Variants in MANSC1 observed in about 807,000 individuals in gnomAD.
MANSC1 encodes the protein MANSC domain-containing protein 1.
In MANSC1, 13 loss-of-function variants were observed where a neutral mutation model predicts 14.1. The ratio of observed to expected loss-of-function variants is 0.92; its 90% CI spans 0.60 to 1.46. The LOEUF (loss-of-function observed/expected upper bound fraction) is 1.46. MANSC1 is among the 40% of genes most tolerant of loss of function. The pLI, the probability that MANSC1 is intolerant of heterozygous loss-of-function variation, is 0.00. For missense variants in MANSC1, 486 were observed against 511.4 expected, an observed-to-expected ratio of 0.95 and a Z score of 0.48; for synonymous variants, 227 against 200.7, an observed-to-expected ratio of 1.13 and a Z score of -1.11.
chr12:12,332,253 T>C (rs2135988636), intron 3 of MANSC1, among the ~76,000 whole-genome samples: 2 of 152,280 alleles, frequency 1.3e-5, no homozygotes, highest in Middle Eastern at 3.4e-3. Context: ...TCTTTTCCTT[T>C]TTCTTCCTCA....
intron 1 of MANSC1, 121 bp from the exon 2 acceptor site, chr12:12,343,535 C>T: frequency 1.4e-5 from 7 of 514,386 alleles, no homozygotes; most frequent in Middle Eastern, 5.4e-4. Context: ...AGAAAAGATA[C>T]ACGTATTTTT....
intron 1 of MANSC1, among the ~76,000 whole-genome samples, chr12:12,345,956 G>A (rs1863004077): frequency 6.6e-6 from 1 of 152,186 alleles, no homozygotes; most frequent in Non-Finnish European, 1.5e-5. Flanking sequence ...TTCATGGATA[G>A]GAAGACTTTA....
At chr12:12,337,932 C>T (rs1051294651) in intron 3 of MANSC1, among the ~76,000 whole-genome samples, 6 of 152,262 alleles carry the variant, frequency 3.9e-5, no homozygotes, top group Middle Eastern at 6.8e-3. Context: ...AATTTCCTTT[C>T]CAGTCTAGAC....
At chr12:12,331,672 G>C (rs1023445486) in intron 3 of MANSC1, among the ~76,000 whole-genome samples, 1 of 152,144 alleles carries the variant, frequency 6.6e-6, no homozygotes, top group Non-Finnish European at 1.5e-5. Flanking sequence ...AATAGAGCAG[G>C]AGAGAGGGAG....
chr12:12,340,218 G>T (rs1442736652), intron 2 of MANSC1, among the ~76,000 whole-genome samples: 1 of 152,124 alleles, frequency 6.6e-6, no homozygotes, highest in Non-Finnish European at 1.5e-5. Context: ...TCACATCTTT[G>T]GGAGGTCAGC....
chr12:12,336,802 A>C (rs1206425465), intron 3 of MANSC1, among the ~76,000 whole-genome samples: 3 of 152,186 alleles, frequency 2.0e-5, no homozygotes, highest in African/African-American at 4.8e-5. Flanking sequence ...AATTATAGGC[A>C]TGAGCTACCA....
At chr12:12,334,491 T>C (rs1007857533) in intron 3 of MANSC1, among the ~76,000 whole-genome samples, 1 of 152,198 alleles carries the variant, frequency 6.6e-6, no homozygotes, top group African/African-American at 2.4e-5. Context: ...CCTGTAGATA[T>C]AAACAGTCCT....
chr12:12,349,085 A>G (rs1469309448), intron 1 of MANSC1, among the ~76,000 whole-genome samples: 2 of 152,238 alleles, frequency 1.3e-5, no homozygotes, highest in African/African-American at 4.8e-5. Flanking sequence ...CAATATTTAC[A>G]GGGGGCAAAT....
Position 12,330,073 on chromosome 12 carries a change from T to C in MANSC1, c.1250A>G (p.Tyr417Cys). Residue 417 changes from tyrosine (Y) to cysteine (C), a missense_variant, in exon 4 of 4, where the codon TAC (tyrosine) becomes TGC (cysteine). By Grantham distance (194) the Tyr-to-Cys change is radical (BLOSUM62 -2). Coordinates refer to ENST00000535902, the MANE Select transcript of MANSC1 (RefSeq NM_018050.4). ...ILSESLRRKR[Y>C]SRLDYLINGI... ...ATTGATCAAATAATCCAGTCTTGAG[T>C]AACGTTTCCTGCGGAGTGATTCCGA... is the stretch of plus-strand genomic sequence containing the variant. The C allele has an allele frequency of 1.2e-6, 2 of 1,614,102 alleles. No individual in the cohort carries two copies. Among genetic ancestry groups the C allele is most frequent in the South Asian group, 2.2e-5 (2 of 91,074 alleles).
At chr12:12,338,895 AC>A in intron 2 of MANSC1, 1 of 260,622 alleles carries the variant, frequency 3.8e-6, no homozygotes, top group Non-Finnish European at 7.3e-6. Context: ...ACACAAACAC[AC>A]ACACACACAC....
chr12:12,347,935 T>A (rs527427408), intron 1 of MANSC1, among the ~76,000 whole-genome samples: 1 of 152,106 alleles, frequency 6.6e-6, no homozygotes, highest in Admixed American at 6.5e-5. Context: ...TGGTGGCAGG[T>A]GCCTGTAATC....
chr12:12,335,553 C>T (rs985733068), intron 3 of MANSC1, among the ~76,000 whole-genome samples: 4 of 148,996 alleles, frequency 2.7e-5, no homozygotes, highest in Middle Eastern at 3.4e-3. Flanking sequence ...GTTGGCCAGG[C>T]TGGTCTCGAA....
At chr12:12,345,194 G>T (rs1251563186) in intron 1 of MANSC1, among the ~76,000 whole-genome samples, 1 of 149,720 alleles carries the variant, frequency 6.7e-6, no homozygotes. Flanking sequence ...ATGGCGGGCA[G>T]CTGTAATCCC....
intron 1 of MANSC1, among the ~76,000 whole-genome samples, chr12:12,345,502 G>A (rs767222436): frequency 6.6e-6 from 1 of 152,008 alleles, no homozygotes; most frequent in Non-Finnish European, 1.5e-5. Flanking sequence ...GAAAGTTTAG[G>A]GGCAGGTTTT....
chr12:12,343,964 T>A lies in MANSC1; in HGVS notation c.-100-550A>T, dbSNP rs150573823. On this transcript the variant is annotated intron_variant, in intron 1 of 3. Coordinates refer to ENST00000535902, the MANE Select transcript of MANSC1 (RefSeq NM_018050.4). ...CTGTCTCTACTAAAAATACAAAAAA[T>A]TAGCTGGGTGTGGTGGCGCATGCCT... Among the ~76,000 whole-genome samples, 60 of 151,810 alleles carry A rather than the reference T, an allele frequency of 4.0e-4. 2 individuals carry two copies. In the East Asian group the frequency reaches 0.011, roughly 29 times the overall value.
At chr12:12,343,499 A>G in intron 1 of MANSC1, 85 bp from the exon 2 acceptor site, 1 of 559,888 alleles carries the variant, frequency 1.8e-6, no homozygotes, top group Non-Finnish European at 3.2e-6. Flanking sequence ...AAAGTCAATG[A>G]AAAGGATCCA....
In MANSC1 at chr12:12,327,554, C is replaced by G. The variant is rs1443988509; in HGVS notation, c.*2473G>C. ...AACTCCAAGAGAGCCAGGAAAATAC[C>G]TTTATAAACCATCACAGAAAGCCTG... On this transcript the variant is annotated 3_prime_UTR_variant, in exon 4 of 4. Coordinates refer to ENST00000535902, the MANE Select transcript of MANSC1 (RefSeq NM_018050.4). The G allele has an allele frequency of 6.6e-6, 1 of 152,184 alleles. No individual in the cohort carries two copies. The highest frequency in any genetic ancestry group is 2.4e-5 in the African/African-American group (1 of 41,450). 9.4% of individuals were successfully genotyped at this position (152,184 alleles called of 1,614,324 possible).
intron 1 of MANSC1, among the ~76,000 whole-genome samples, chr12:12,343,896 G>C (rs1862970602): frequency 6.6e-6 from 1 of 152,130 alleles, no homozygotes; most frequent in Non-Finnish European, 1.5e-5. Context: ...TGGATTGCTT[G>C]AGCTCAGGAG....
intron 3 of MANSC1, among the ~76,000 whole-genome samples, chr12:12,337,144 G>A (rs558236110): frequency 2.6e-4 from 40 of 151,792 alleles, no homozygotes; most frequent in Non-Finnish European, 5.0e-4. Flanking sequence ...GGGCATGGTA[G>A]TGGGTGCCTG....
Sources: allele counts gnomAD v4.1 joint callset (sites outside exome capture counted in the v4.1 genomes callset), GRCh38; gene constraint gnomAD v4.1.1; transcripts MANE v1.5; gene names NCBI Gene and HGNC (gene_info 2026-07-23, HGNC 2026-07-21).